IQSEC1: variants seen among roughly 807,000 people sequenced by gnomAD.
IQSEC1 encodes the protein IQ motif and SEC7 domain-containing protein 1.
A neutral mutation model predicts 91.0 loss-of-function variants in IQSEC1; 31 were observed. The ratio of observed to expected loss-of-function variants is 0.34; its 90% CI spans 0.26 to 0.46. The LOEUF (loss-of-function observed/expected upper bound fraction) is 0.46. Ranked by LOEUF, IQSEC1 falls within the 20% of genes least tolerant of loss-of-function variation. IQSEC1 has a pLI of 1.00. For missense variants in IQSEC1, 1,388 were observed against 1,575.6 expected (o/e 0.88, Z 2.02); for synonymous variants, 699 against 662.6 (o/e 1.05, Z -0.84).
At chr3:12,932,137 C>T (rs1001500585) in intron 3 of IQSEC1, among the ~76,000 whole-genome samples, 15 of 152,134 alleles carry the variant, frequency 9.9e-5, no homozygotes, top group Non-Finnish European at 1.3e-4. Context: ...GTACCCCTGA[C>T]GGTGTGTACC....
Position 12,901,360 on chromosome 3 carries a change from G to A in IQSEC1, c.2968C>T (p.Pro990Ser), listed in dbSNP as rs552924984. The A allele has an allele frequency of 2.7e-4, 413 of 1,536,294 alleles. No individual in the cohort carries two copies. In the African/African-American group the frequency reaches 3.4e-3, roughly 13 times the overall value. The change falls in exon 14 of 14, where the codon CCA becomes TCA. Residue 990 changes from proline to serine, a missense_variant. By Grantham distance (74) the Pro-to-Ser change is moderately conservative. This residue lies in a region of IQSEC1 where 329 missense variants were observed against 257.8 expected (regional missense o/e 1.28). Coordinates refer to ENST00000613206, the MANE Select transcript of IQSEC1 (RefSeq NM_001134382.3). ...GGTGGGTGGGGGGGTGGCAGGGCTG[G>A]GGCTGAGGGCAGGTGGGCCTGGGGA... ...PPPQAHLPSA[P>S]ALPPPHPPVV...
chr3:12,908,757 G>A lies in IQSEC1; in HGVS notation c.2579-232C>T, dbSNP rs537440307. ...GGCCTTGTGACCTGCAGGAAGGATA[G>A]TCACCTTCCAGGCTCGGGAGTGGAC... On this transcript the variant is annotated intron_variant, in intron 11 of 13. Transcript: ENST00000613206. This position sits in a 1 kb window ranked among gnomAD's most constrained non-coding sequence, Gnocchi z 4.9. 6.6e-6 allele frequency among the ~76,000 whole-genome samples: 1 copy of A among 152,220 alleles called. No homozygotes were observed. The highest frequency in any genetic ancestry group is 2.4e-5 in the African/African-American group (1 of 41,552).
chr3:13,234,851 G>A (rs1013711777), intron 1 of IQSEC1, among the ~76,000 whole-genome samples: 8 of 152,120 alleles, frequency 5.3e-5, no homozygotes, highest in South Asian at 2.1e-4. Flanking sequence ...GTTTCTCCCC[G>A]CATGAAAGCT....
chr3:13,046,620 C>T (rs1330426259), intron 1 of IQSEC1, among the ~76,000 whole-genome samples: 3 of 152,150 alleles, frequency 2.0e-5, no homozygotes, highest in Non-Finnish European at 4.4e-5. Context: ...TTTAGCAGGA[C>T]GAAGCTCCCT....
intron 1 of IQSEC1, among the ~76,000 whole-genome samples, chr3:12,990,036 G>C (rs1033359239): frequency 1.3e-5 from 2 of 152,178 alleles, no homozygotes; most frequent in Non-Finnish European, 2.9e-5. Flanking sequence ...CCCCAAACCT[G>C]GTCCTAGTTC....
At chr3:13,069,251 ATC>A (rs1470554268) in intron 1 of IQSEC1, among the ~76,000 whole-genome samples, 1 of 150,806 alleles carries the variant, frequency 6.6e-6, no homozygotes. Context: ...CCCTCCCTGC[ATC>A]TCTCTCGGTG....
At chr3:13,240,284 G>A (rs1694999156) in intron 1 of IQSEC1, among the ~76,000 whole-genome samples, 1 of 152,190 alleles carries the variant, frequency 6.6e-6, no homozygotes, top group Non-Finnish European at 1.5e-5. Flanking sequence ...GTACTCAGGA[G>A]GCTGAGGAGA....
At position 12,967,432 on chromosome 3, in the gene IQSEC1, T is replaced by G. The variant is rs1700652314; in HGVS notation, c.24-25567A>C. 6.5e-7 allele frequency: 1 copy of G among 1,533,968 alleles called. No individual in the cohort carries two copies. The highest frequency in any genetic ancestry group is 1.4e-5 in the African/African-American group (1 of 71,886). On this transcript the variant is annotated intron_variant, in intron 1 of 13. Coordinates refer to ENST00000613206, the MANE Select transcript of IQSEC1 (RefSeq NM_001134382.3). The surrounding 1 kb of genome is among the most constrained non-coding windows in gnomAD (Gnocchi z 5.9). ...CAGAAGGGACTGGGTCCTCTCCGAGTTGCAGTGCAGGCACCACATGGCGGC... is the reference window on the plus strand; with the variant it reads ...CAGAAGGGACTGGGTCCTCTCCGAGGTGCAGTGCAGGCACCACATGGCGGC...
chr3:13,210,374 G>A (rs1694422101), intron 1 of IQSEC1, among the ~76,000 whole-genome samples: 1 of 152,102 alleles, frequency 6.6e-6, no homozygotes, highest in African/African-American at 2.4e-5. Flanking sequence ...GCAGGAGAAT[G>A]TTTCACGCAG....
At chr3:13,257,473 A>AC (rs11421368) in intron 1 of IQSEC1, among the ~76,000 whole-genome samples, 41,170 of 151,844 alleles carry the variant, frequency 0.27, 7,445 homozygotes, top group African/African-American at 0.52. Context: ...CATCAGCATC[A>AC]CCCCCAACCA....
intron 1 of IQSEC1, among the ~76,000 whole-genome samples, chr3:12,963,036 G>A (rs1700338986): frequency 6.6e-6 from 1 of 152,246 alleles, no homozygotes; most frequent in South Asian, 2.1e-4. Flanking sequence ...GAAGTACACA[G>A]ACCCTGAAGC....
At chr3:13,053,759 T>C (rs1402679741) in intron 1 of IQSEC1, among the ~76,000 whole-genome samples, 2 of 152,188 alleles carry the variant, frequency 1.3e-5, no homozygotes, top group African/African-American at 4.8e-5. Context: ...TTGCCTCAGT[T>C]TCCAAAGGGG....
intron 1 of IQSEC1, among the ~76,000 whole-genome samples, chr3:13,173,419 C>A (rs995972775): frequency 1.3e-5 from 2 of 152,240 alleles, no homozygotes; most frequent in South Asian, 4.1e-4. Flanking sequence ...GCCTTGCTCC[C>A]TGCACCAGCC....
chr3:13,034,939 G>A (rs1703980940), intron 1 of IQSEC1, among the ~76,000 whole-genome samples: 1 of 152,226 alleles, frequency 6.6e-6, no homozygotes, highest in Non-Finnish European at 1.5e-5. Context: ...GCCCCGACAG[G>A]GCACAGTGCT....
At chr3:12,941,195 G>A (rs565474802) in intron 2 of IQSEC1, among the ~76,000 whole-genome samples, 2 of 152,310 alleles carry the variant, frequency 1.3e-5, no homozygotes, top group Admixed American at 6.5e-5. Context: ...GGCCGGCCAC[G>A]TACCCAGTGT....
intron 1 of IQSEC1, among the ~76,000 whole-genome samples, chr3:13,067,850 C>A (rs1038078242): frequency 6.6e-6 from 1 of 152,256 alleles, no homozygotes; most frequent in African/African-American, 2.4e-5. Context: ...TTCTTAAAGA[C>A]CAAGTGAGTC....
intron 2 of IQSEC1, among the ~76,000 whole-genome samples, chr3:12,938,668 A>G (rs1698460196): frequency 6.6e-6 from 1 of 152,118 alleles, no homozygotes; most frequent in Non-Finnish European, 1.5e-5. Flanking sequence ...GCTGGGATCT[A>G]GGAAGCCTTT....
chr3:13,133,027 C>A (rs1260174171), intron 2 of IQSEC1, among the ~76,000 whole-genome samples: 2 of 152,244 alleles, frequency 1.3e-5, no homozygotes, highest in Non-Finnish European at 2.9e-5. Flanking sequence ...TTGACATCAA[C>A]ATCGACATGG....
intron 1 of IQSEC1, among the ~76,000 whole-genome samples, chr3:12,951,309 G>C (rs1699527788): frequency 6.6e-6 from 1 of 152,154 alleles, no homozygotes; most frequent in Non-Finnish European, 1.5e-5. Context: ...TGTAATCCCA[G>C]CTACTCGGGA....
Sources: gnomAD v4.1 joint callset for allele counts (sites outside exome capture counted in the v4.1 genomes callset) on GRCh38, gnomAD v4.1.1 for gene constraint, gnomAD v4.1.1 regional missense constraint, Gnocchi (gnomAD v3.1) non-coding constraint, MANE v1.5 for transcripts, NCBI Gene and HGNC (gene_info 2026-07-23, HGNC 2026-07-21) for gene names.